Variants in WEE2 observed in about 807,000 individuals in gnomAD.
WEE2 encodes wee1-like protein kinase 2.
A neutral mutation model predicts 60.1 loss-of-function variants in WEE2; 50 were observed. That is an observed-to-expected ratio of 0.83 (90% CI 0.66 to 1.05). The LOEUF is 1.05. WEE2 is among the 50% of genes least tolerant of loss of function. The probability of loss-of-function intolerance (pLI) is 0.00; values close to 1 mark genes in which losing one functional copy is unlikely to be tolerated. For missense variants in WEE2, 631 were observed against 684.3 expected, an observed-to-expected ratio of 0.92 and a Z score of 0.87; for synonymous variants, 240 against 241.0, an observed-to-expected ratio of 1.00 and a Z score of 0.04.
At position 141,714,356 on chromosome 7, in the gene WEE2, A is replaced by C; in HGVS notation, c.490A>C (p.Lys164Gln). The change falls in exon 2 of 12, where the codon AAA (lysine) becomes CAA (glutamine). Residue 164 changes from lysine to glutamine, a missense_variant. Coordinates refer to ENST00000397541, the MANE Select transcript of WEE2 (RefSeq NM_001105558.1). ...TAATCCCTTCACTCCAGAGTCCTAT[A>C]AAAAATTATTTCTTCAATCTGGTGG... is the stretch of plus-strand genomic sequence containing the variant. ...NINPFTPESY[K>Q]KLFLQSGGKR... is the part of the protein sequence containing the mutation. 1.2e-6 allele frequency: 2 copies of C among 1,612,794 alleles called. No individual in the cohort carries two copies. The highest frequency in any genetic ancestry group is 8.5e-7 in the Non-Finnish European group (1 of 1,179,528).
At position 141,711,555 on chromosome 7, in the gene WEE2, G is replaced by A. The variant is rs949541946; in HGVS notation, c.342+2455G>A. Among the ~76,000 whole-genome samples the A allele has an allele frequency of 2.0e-5, 3 of 152,184 alleles. No individual in the cohort carries two copies. The highest frequency in any genetic ancestry group is 7.2e-5 in the African/African-American group (3 of 41,442). Reference sequence around the variant, plus strand: ...TCATGTGAAATTCAGTTCACTGTAAGGACTTCCTGACAGAATCATCTAGAG... The same window carrying A: ...TCATGTGAAATTCAGTTCACTGTAAAGACTTCCTGACAGAATCATCTAGAG... On this transcript the variant is annotated intron_variant, in intron 1 of 11. Transcript: ENST00000397541. The surrounding 1 kb of genome is among the most constrained non-coding windows in gnomAD (Gnocchi z 4.2).
chr7:141,714,980 CTA>C (rs762550878), intron 2 of WEE2, among the ~76,000 whole-genome samples: 3 of 152,208 alleles, frequency 2.0e-5, no homozygotes, highest in Non-Finnish European at 2.9e-5. Flanking sequence ...AGGAACATTA[CTA>C]TGTCTCTCCA....
At chr7:141,728,768 C>T (rs1426499671) in intron 10 of WEE2, among the ~76,000 whole-genome samples, 3 of 152,194 alleles carry the variant, frequency 2.0e-5, no homozygotes, top group Non-Finnish European at 4.4e-5. Flanking sequence ...TGAGTGAGCA[C>T]TACCGCCTGA....
Position 141,719,229 on chromosome 7 carries a change from C to T in WEE2, c.743C>T (p.Thr248Ile). Residue 248 changes from threonine to isoleucine, a missense_variant, in exon 4 of 12, where the codon ACA becomes ATA. By Grantham distance (89) the Thr-to-Ile change is moderately conservative. Coordinates refer to ENST00000397541, the MANE Select transcript of WEE2 (RefSeq NM_001105558.1). Reference sequence around the variant, plus strand: ...ATAAAGCGCTCTATGAAAACTTTTACAGAATTATCAAATGAGTGAGTACCT... The same window carrying T: ...ATAAAGCGCTCTATGAAAACTTTTATAGAATTATCAAATGAGTGAGTACCT... ...YAIKRSMKTF[T>I]ELSNENSALH... 6.2e-7 allele frequency: 1 copy of T among 1,607,348 alleles called. No individual in the cohort carries two copies. The highest frequency in any genetic ancestry group is 8.5e-7 in the Non-Finnish European group (1 of 1,176,990).
chr7:141,716,373 C>G (rs560288403), intron 3 of WEE2, 106 bp downstream of exon 3: 12 of 1,064,262 alleles, frequency 1.1e-5, no homozygotes, highest in Non-Finnish European at 1.7e-5. Context: ...CTCCCTTCTT[C>G]CCTACCCTCC....
intron 1 of WEE2, among the ~76,000 whole-genome samples, chr7:141,709,974 A>C (rs1302946520): frequency 1.3e-5 from 2 of 152,158 alleles, no homozygotes; most frequent in African/African-American, 2.4e-5. Context: ...TGTGATCCTG[A>C]CTGCGACACA....
At chr7:141,720,811 G>A (rs761513143) in intron 4 of WEE2, 124 bp from the exon 5 acceptor site, 100 of 1,023,934 alleles carry the variant, frequency 9.8e-5, no homozygotes, top group Non-Finnish European at 1.3e-4. Flanking sequence ...AAAATAGTAA[G>A]CAAGCAGTGA....
At position 141,725,111 on chromosome 7, in the gene WEE2, A is replaced by G. The variant is rs767775850; in HGVS notation, c.1307A>G (p.Asn436Ser). The G allele has an allele frequency of 4.1e-5, 66 of 1,614,060 alleles. No homozygotes were observed. Among genetic ancestry groups the G allele is most frequent in the Non-Finnish European group, 4.6e-5 (54 of 1,180,044 alleles). Reference protein sequence around the residue: ...VAAGAESLPTNGAAWHHIRKG... With the variant: ...VAAGAESLPTSGAAWHHIRKG... ...GCAGGAGCAGAGTCATTGCCCACCA[A>G]TGGTGCTGCATGGCACCATATCCGC... The change falls in exon 9 of 12, where the codon AAT (asparagine) becomes AGT (serine). Residue 436 changes from asparagine to serine, a missense_variant. Coordinates refer to ENST00000397541, the MANE Select transcript of WEE2 (RefSeq NM_001105558.1).
chr7:141,725,105 C>T lies in WEE2; in HGVS notation c.1301C>T (p.Pro434Leu). Residue 434 changes from proline to leucine, a missense_variant, in exon 9 of 12, where the codon CCC (proline) becomes CTC (leucine). By Grantham distance (98) the Pro-to-Leu change is moderately conservative (BLOSUM62 -3). Transcript: ENST00000397541. Reference protein sequence around the residue: ...IAVAAGAESLPTNGAAWHHIR... With the variant: ...IAVAAGAESLLTNGAAWHHIR... ...GTGGCTGCAGGAGCAGAGTCATTGC[C>T]CACCAATGGTGCTGCATGGCACCAT... 1 of 1,614,172 alleles carries T rather than the reference C, an allele frequency of 6.2e-7. No individual in the cohort carries two copies. Among genetic ancestry groups the T allele is most frequent in the South Asian group, 1.1e-5 (1 of 91,082 alleles).
rs150083960 is a variant in WEE2, at chr7:141,729,717, G to C, written c.1678+44G>C. 613 of 1,579,558 alleles carry C rather than the reference G, an allele frequency of 3.9e-4. 7 individuals are homozygous for C. The African/African-American group carries it at 7.4e-3, about 19-fold the overall frequency. ...AAGAACTCATTTTGCAGCCGGGCGT[G>C]GTGGCTCACGCCTGTAATCCCAACA... is the stretch of plus-strand genomic sequence containing the variant. On this transcript the variant is annotated intron_variant, in intron 11 of 11. Transcript: ENST00000397541.
At position 141,708,729 on chromosome 7, in the gene WEE2, T is replaced by G; in HGVS notation, c.-30T>G. 2 of 1,575,420 alleles carry G rather than the reference T, an allele frequency of 1.3e-6. No homozygotes were observed. Among genetic ancestry groups the G allele is most frequent in the Non-Finnish European group, 1.7e-6 (2 of 1,153,202 alleles). On this transcript the variant is annotated 5_prime_UTR_variant, in exon 1 of 12. Transcript: ENST00000397541. ...CAGCGTTCCCTTCTGATAGAGCTTT[T>G]TGTCTGTGTTGTAAAGCTCTTTGGC...
intron 10 of WEE2, among the ~76,000 whole-genome samples, chr7:141,728,716 C>T (rs1257070986): frequency 6.6e-6 from 1 of 151,776 alleles, no homozygotes; most frequent in African/African-American, 2.4e-5. Context: ...CAGTCTGTGG[C>T]CTGTTAGGAA....
intron 4 of WEE2, among the ~76,000 whole-genome samples, chr7:141,720,382 T>C (rs1281239620): frequency 6.6e-6 from 1 of 152,128 alleles, no homozygotes; most frequent in Non-Finnish European, 1.5e-5. Flanking sequence ...TGTGTTGGGA[T>C]TTTCTATTCC....
chr7:141,723,181 C>A lies in WEE2; in HGVS notation c.928C>A (p.His310Asn), dbSNP rs761827518. Residue 310 changes from histidine to asparagine, a missense_variant, in exon 6 of 12, where the codon CAT (histidine) becomes AAT (asparagine). By Grantham distance (68) the His-to-Asn change is moderately conservative. Transcript: ENST00000397541. The stretch of plus-strand genomic sequence containing the variant: ...ATCTGAAAACACTAAGTCTGGCAAT[C>A]ATTTTGAAGAGCCAAAACTCAAGGA... ...AISENTKSGN[H>N]FEEPKLKDIL... 193 of 1,614,090 alleles carry A rather than the reference C, an allele frequency of 1.2e-4. No homozygotes were observed. The highest frequency in any genetic ancestry group is 1.6e-4 in the Non-Finnish European group (183 of 1,180,028).
intron 4 of WEE2, among the ~76,000 whole-genome samples, chr7:141,720,593 A>C (rs1267166502): frequency 2.0e-5 from 3 of 152,182 alleles, no homozygotes; most frequent in African/African-American, 7.2e-5. Context: ...GACCTGATGC[A>C]CATCTGCCAT....
intron 4 of WEE2, 56 bp downstream of exon 4, chr7:141,719,300 T>A: frequency 6.8e-7 from 1 of 1,477,706 alleles, no homozygotes; most frequent in Non-Finnish European, 9.1e-7. Flanking sequence ...GAGTTGTTTC[T>A]TGTCAAATTA....
Position 141,724,293 on chromosome 7 carries a change from G to T in WEE2, c.1221+18G>T, listed in dbSNP as rs769194846. On this transcript the variant is annotated intron_variant, in intron 8 of 11. Transcript: ENST00000397541. ...TGCAAGAGGTATAGATTAGGGAAAT[G>T]GAGGGTATTTTATAATCTGTTGAAC... is the stretch of plus-strand genomic sequence containing the variant. 8 of 1,590,716 alleles carry T rather than the reference G, an allele frequency of 5.0e-6. No individual in the cohort carries two copies. The highest frequency in any genetic ancestry group is 6.0e-6 in the Non-Finnish European group (7 of 1,168,356).
chr7:141,720,848 T>G (rs1426794123), intron 4 of WEE2, 87 bp from the exon 5 acceptor site: 2 of 1,426,012 alleles, frequency 1.4e-6, no homozygotes, highest in East Asian at 2.3e-5. Flanking sequence ...CTGCCATTGC[T>G]AGTAAAGCCT....
chr7:141,712,610 A>C (rs1482993593), intron 1 of WEE2, among the ~76,000 whole-genome samples: 3 of 152,180 alleles, frequency 2.0e-5, no homozygotes. Flanking sequence ...TCTTCCCTAC[A>C]TCATAAGTGG....
Sources: gnomAD v4.1 joint callset for allele counts (sites outside exome capture counted in the v4.1 genomes callset) on GRCh38, gnomAD v4.1.1 for gene constraint, Gnocchi (gnomAD v3.1) non-coding constraint, MANE v1.5 for transcripts, NCBI Gene and HGNC (gene_info 2026-07-23, HGNC 2026-07-21) for gene names.